The following ATG7 variants were observed in gnomAD, a reference collection of about 807,000 sequenced individuals.
The protein encoded by ATG7 is ubiquitin-like modifier-activating enzyme ATG7.
Under a neutral mutation model 82.4 loss-of-function variants are expected in ATG7, and 70 were observed. The observed-to-expected ratio is 0.85, with a 90% CI of 0.70 to 1.04. The LOEUF is 1.04. Among genes scored for constraint, ATG7 ranks in the 50% least tolerant of loss-of-function variants. The pLI is 0.00. For missense variants in ATG7, 792 were observed against 864.3 expected, an observed-to-expected ratio of 0.92 and a Z score of 1.05; for synonymous variants, 287 against 313.0, an observed-to-expected ratio of 0.92 and a Z score of 0.88.
intron 5 of ATG7, among the ~76,000 whole-genome samples, chr3:11,303,379 A>G (rs73125406): frequency 0.025 from 3,862 of 152,354 alleles, 176 homozygotes; most frequent in African/African-American, 0.088. Flanking sequence ...AGAAAAAAAA[A>G]GAATTTTCCG....
chr3:11,365,466 A>G (rs1180302355), intron 18 of ATG7, among the ~76,000 whole-genome samples: 7 of 152,148 alleles, frequency 4.6e-5, no homozygotes, highest in Non-Finnish European at 7.4e-5. Context: ...TTTCATTACT[A>G]TATTTTTGGG....
chr3:11,516,204 T>C (rs1478270679), intron 20 of ATG7, among the ~76,000 whole-genome samples: 2 of 152,058 alleles, frequency 1.3e-5, no homozygotes, highest in African/African-American at 4.8e-5. Flanking sequence ...TGAAAAGATG[T>C]TCCAATAGCA....
At chr3:11,390,762 G>GT (rs2078738249) in intron 19 of ATG7, among the ~76,000 whole-genome samples, 1 of 151,792 alleles carries the variant, frequency 6.6e-6, no homozygotes, top group Non-Finnish European at 1.5e-5. Flanking sequence ...AAAACTGCAA[G>GT]TTAAAGTACT....
At chr3:11,473,196 A>G (rs1196490050) in intron 20 of ATG7, among the ~76,000 whole-genome samples, 1 of 152,164 alleles carries the variant, frequency 6.6e-6, no homozygotes, top group Non-Finnish European at 1.5e-5. Flanking sequence ...ATTTCTTCCC[A>G]TTGATAGCTT....
chr3:11,525,622 T>G (rs2092560443), intron 20 of ATG7, among the ~76,000 whole-genome samples: 2 of 150,546 alleles, frequency 1.3e-5, no homozygotes, highest in Admixed American at 1.3e-4. Context: ...TGGCGTGATC[T>G]CGGCTCACTG....
intron 20 of ATG7, among the ~76,000 whole-genome samples, chr3:11,461,321 T>C (rs2086277495): frequency 6.6e-6 from 1 of 152,176 alleles, no homozygotes; most frequent in Non-Finnish European, 1.5e-5. Context: ...GGGTCAGAAA[T>C]GGCATCACTG....
intron 18 of ATG7, among the ~76,000 whole-genome samples, chr3:11,378,685 CAAAAAAA>C (rs368506515): frequency 7.6e-5 from 6 of 78,962 alleles, no homozygotes; most frequent in African/African-American, 1.4e-4. Context: ...ACTCCATCTC[CAAAAAAA>C]AAAAAAAAAA....
intron 19 of ATG7, among the ~76,000 whole-genome samples, chr3:11,424,927 G>T (rs1018843289): frequency 6.6e-6 from 1 of 152,058 alleles, no homozygotes; most frequent in East Asian, 1.9e-4. Flanking sequence ...AACAATTTGT[G>T]TCAGTACTAT....
intron 18 of ATG7, among the ~76,000 whole-genome samples, chr3:11,377,427 A>G (rs974731220): frequency 6.6e-6 from 1 of 151,872 alleles, no homozygotes; most frequent in African/African-American, 2.4e-5. Flanking sequence ...TTTTTCTTCT[A>G]TTCCTCGCCA....
chr3:11,439,856 A>AT (rs1026398103), intron 20 of ATG7, among the ~76,000 whole-genome samples: 1 of 152,266 alleles, frequency 6.6e-6, no homozygotes, highest in South Asian at 2.1e-4. Flanking sequence ...GTTATCTGTG[A>AT]TTTTCAGGGC....
At chr3:11,571,242 C>T in the ATG7 span, among the ~76,000 whole-genome samples, 1 of 152,242 alleles carries the variant, frequency 6.6e-6, no homozygotes. Flanking sequence ...GCCTTCTATG[C>T]GTCAGCAACT....
chr3:11,291,294 C>T (rs1363815791), intron 3 of ATG7, among the ~76,000 whole-genome samples: 1 of 152,098 alleles, frequency 6.6e-6, no homozygotes, highest in Non-Finnish European at 1.5e-5. Context: ...CTGGCCAGGG[C>T]CTTTTTGTTT....
chr3:11,434,886 C>T (rs1050566594), intron 20 of ATG7, among the ~76,000 whole-genome samples: 1 of 152,184 alleles, frequency 6.6e-6, no homozygotes, highest in Non-Finnish European at 1.5e-5. Context: ...GTCCTTCTTA[C>T]ATTGTACTCC....
chr3:11,312,553 G>A (rs1381571563), intron 7 of ATG7, among the ~76,000 whole-genome samples: 1 of 152,158 alleles, frequency 6.6e-6, no homozygotes, highest in Non-Finnish European at 1.5e-5. Context: ...TCATGCACTC[G>A]CTTTATCTCT....
At chr3:11,431,211 A>G (rs1480600852) in intron 20 of ATG7, among the ~76,000 whole-genome samples, 1 of 152,326 alleles carries the variant, frequency 6.6e-6, no homozygotes, top group Non-Finnish European at 1.5e-5. Flanking sequence ...AGACCAGCCT[A>G]GCCAACATGG....
In ATG7 at chr3:11,501,775, C is replaced by G. The variant is rs148763346; in HGVS notation, c.2080-53036C>G. On this transcript the variant is annotated intron_variant, in intron 20 of 20. Transcript: ENST00000693202. Reference sequence around the variant, plus strand: ...TGCGATTGTGGCTCACTGCAGCCTTCGCCTCCCGGGTTCAAGTGATTCTCC... The same window carrying G: ...TGCGATTGTGGCTCACTGCAGCCTTGGCCTCCCGGGTTCAAGTGATTCTCC... Among the ~76,000 whole-genome samples, 898 of 152,202 alleles carry G rather than the reference C, an allele frequency of 5.9e-3. 12 individuals are homozygous for G. The highest frequency in any genetic ancestry group is 0.021 in the African/African-American group (852 of 41,530).
intron 16 of ATG7, among the ~76,000 whole-genome samples, chr3:11,361,871 C>T (rs1015167952): frequency 2.6e-5 from 4 of 152,214 alleles, no homozygotes; most frequent in Non-Finnish European, 2.9e-5. Context: ...GAACAGATAA[C>T]GATTTCCAGT....
intron 18 of ATG7, among the ~76,000 whole-genome samples, chr3:11,377,604 A>C (rs1461729065): frequency 6.6e-6 from 1 of 152,216 alleles, no homozygotes; most frequent in Non-Finnish European, 1.5e-5. Context: ...TTTGATGAAA[A>C]CCATATTAGA....
intron 11 of ATG7, among the ~76,000 whole-genome samples, chr3:11,340,125 A>G (rs1953285177): frequency 1.3e-5 from 2 of 152,138 alleles, no homozygotes; most frequent in South Asian, 4.1e-4. Flanking sequence ...CTTAAAGGAA[A>G]GGGCAGCTTA....
Sources: allele counts gnomAD v4.1 joint callset (sites outside exome capture counted in the v4.1 genomes callset), GRCh38; gene constraint gnomAD v4.1.1; transcripts MANE v1.5; gene names NCBI Gene and HGNC (gene_info 2026-07-23, HGNC 2026-07-21).